Variants in BLTP1 observed in about 807,000 individuals in gnomAD.
BLTP1 encodes the protein fragile site-associated protein.
At chr4:122,333,612 C>T in the BLTP1 span, 2 of 1,565,204 alleles carry the variant, frequency 1.3e-6, no homozygotes, top group Non-Finnish European at 1.7e-6. Flanking sequence ...AAGATAAGAA[C>T]ATTTTTCTGT....
chr4:122,277,766 T>C, the BLTP1 span: 88 of 968,252 alleles, frequency 9.1e-5, no homozygotes, highest in East Asian at 8.2e-3. Context: ...ATTGTTATTC[T>C]AATTTCTTTG....
chr4:122,271,171 T>C, the BLTP1 span: 3 of 1,614,000 alleles, frequency 1.9e-6, no homozygotes, highest in East Asian at 2.2e-5. Context: ...AGCGGTATTA[T>C]AACACCTTTC....
At chr4:122,355,275 T>TA in the BLTP1 span, among the ~76,000 whole-genome samples, 1 of 152,058 alleles carries the variant, frequency 6.6e-6, no homozygotes, top group East Asian at 1.9e-4. Flanking sequence ...TAAGACTCTA[T>TA]AGTTTAATCA....
chr4:122,303,096 T>C, the BLTP1 span, among the ~76,000 whole-genome samples: 1 of 152,226 alleles, frequency 6.6e-6, no homozygotes, highest in African/African-American at 2.4e-5. Flanking sequence ...GAGAAATCAA[T>C]GCCTGGCTTC....
At chr4:122,276,038 C>G in the BLTP1 span, 2 of 1,570,786 alleles carry the variant, frequency 1.3e-6, no homozygotes, top group Non-Finnish European at 8.6e-7. Flanking sequence ...TCATATTATT[C>G]TTTTTCATGG....
chr4:122,332,266 A>T, the BLTP1 span, among the ~76,000 whole-genome samples: 1 of 152,006 alleles, frequency 6.6e-6, no homozygotes, highest in Non-Finnish European at 1.5e-5. Flanking sequence ...TTTATAAAAT[A>T]TGAGAAAATA....
the BLTP1 span, chr4:122,286,816 C>G: frequency 1.3e-6 from 2 of 1,579,274 alleles, no homozygotes; most frequent in East Asian, 2.2e-5. Context: ...TCTTACTCTT[C>G]GTAATTTAGG....
chr4:122,239,660 TGC>T, the BLTP1 span: 1 of 1,614,146 alleles, frequency 6.2e-7, no homozygotes, highest in Non-Finnish European at 8.5e-7. Flanking sequence ...GTCTTACTGC[TGC>T]TTTCTATGGG....
At chr4:122,289,301 T>G in the BLTP1 span, 2 of 849,448 alleles carry the variant, frequency 2.4e-6, no homozygotes, top group South Asian at 5.2e-5. Flanking sequence ...TTGGATATAG[T>G]TGTCAAATAA....
chr4:122,299,778 G>A, the BLTP1 span: 15 of 983,884 alleles, frequency 1.5e-5, no homozygotes, highest in Admixed American at 6.2e-5. Flanking sequence ...CTGTAGGTAG[G>A]GTTATCAATG....
the BLTP1 span, among the ~76,000 whole-genome samples, chr4:122,302,715 A>G: frequency 6.6e-6 from 1 of 152,208 alleles, no homozygotes. Context: ...AAACGAAATT[A>G]AAAGTGCTAC....
the BLTP1 span, among the ~76,000 whole-genome samples, chr4:122,245,446 C>T: frequency 6.6e-6 from 1 of 152,122 alleles, no homozygotes; most frequent in Non-Finnish European, 1.5e-5. Flanking sequence ...TTCTTTAGGA[C>T]TGACACCTTG....
the BLTP1 span, chr4:122,288,701 T>C: frequency 4.8e-6 from 2 of 420,348 alleles, no homozygotes; most frequent in Admixed American, 1.3e-4. Flanking sequence ...ATAAATCTAT[T>C]TTTACTTAAC....
At chr4:122,281,732 G>A in the BLTP1 span, 2 of 1,596,740 alleles carry the variant, frequency 1.3e-6, no homozygotes, top group Non-Finnish European at 1.7e-6. Flanking sequence ...ATCTCTGAAA[G>A]CAGAATACAA....
chr4:122,243,326 G>T, the BLTP1 span: 1 of 797,946 alleles, frequency 1.3e-6, no homozygotes, highest in Non-Finnish European at 1.5e-6. Context: ...TTCATAATTT[G>T]GCAAAGGTAC....
At chr4:122,332,035 G>C in the BLTP1 span, among the ~76,000 whole-genome samples, 2 of 151,994 alleles carry the variant, frequency 1.3e-5, no homozygotes, top group African/African-American at 4.8e-5. Context: ...ATATAAACAG[G>C]ATTAACATTT....
chr4:122,191,886 T>C, the BLTP1 span, among the ~76,000 whole-genome samples: 9 of 152,156 alleles, frequency 5.9e-5, no homozygotes, highest in Non-Finnish European at 1.2e-4. Flanking sequence ...CTTATACTTA[T>C]CACTAAATTA....
chr4:122,333,883 T>A, the BLTP1 span: 1 of 1,517,910 alleles, frequency 6.6e-7, no homozygotes, highest in Non-Finnish European at 8.8e-7. Context: ...TATATGTTCA[T>A]CTTTTTCTCA....
the BLTP1 span, among the ~76,000 whole-genome samples, chr4:122,164,153 A>G: frequency 4.6e-5 from 7 of 152,208 alleles, no homozygotes; most frequent in Admixed American, 6.5e-5. Context: ...TAAGAACCAT[A>G]GAAAGAAAGA....
Sources: allele counts gnomAD v4.1 joint callset (sites outside exome capture counted in the v4.1 genomes callset), GRCh38; gene constraint gnomAD v4.1.1; transcripts MANE v1.5; gene names NCBI Gene and HGNC (gene_info 2026-07-23, HGNC 2026-07-21).